The following IL7 variants were observed in gnomAD, a reference collection of about 807,000 sequenced individuals.
IL7 encodes interleukin-7.
A neutral mutation model predicts 21.6 loss-of-function variants in IL7; 3 were observed. The observed-to-expected ratio is 0.14, with a 90% CI of 0.06 to 0.36. IL7 has a LOEUF of 0.36. Ranked by LOEUF, IL7 falls within the 10% of genes least tolerant of loss-of-function variation. The pLI is 1.00. For missense variants in IL7, 175 were observed against 200.2 expected, an observed-to-expected ratio of 0.87 and a Z score of 0.76; for synonymous variants, 62 against 68.1, an observed-to-expected ratio of 0.91 and a Z score of 0.44.
chr8:78,715,371 G>A (rs1811068647), downstream of IL7: 2 of 1,514,692 alleles, frequency 1.3e-6, no homozygotes, highest in East Asian at 4.7e-5. Flanking sequence ...ATAAAATTGA[G>A]TATATGATAG....
intron 2 of IL7, among the ~76,000 whole-genome samples, chr8:78,765,642 C>T (rs1044570385): frequency 6.6e-6 from 1 of 151,974 alleles, no homozygotes; most frequent in Non-Finnish European, 1.5e-5. Context: ...TACCATGACA[C>T]CCTATTAGAA....
At chr8:78,767,522 T>C (rs767953011) in intron 2 of IL7, among the ~76,000 whole-genome samples, 5 of 152,108 alleles carry the variant, frequency 3.3e-5, no homozygotes, top group Non-Finnish European at 5.9e-5. Flanking sequence ...CTAATTAGTA[T>C]ACATATCCAC....
At chr8:78,761,682 C>A (rs1812563533) in intron 2 of IL7, 1 of 1,611,928 alleles carries the variant, frequency 6.2e-7, no homozygotes, top group Non-Finnish European at 8.5e-7. Flanking sequence ...CTGAGAGTTT[C>A]TTCTCGAATA....
chr8:78,740,027 T>C lies in IL7; in HGVS notation c.203A>G (p.Lys68Arg). ...CTTATTAGCATCACAGATATGTCTT[T>C]TAAAAAAGTTAAATTCATTATTCAG... ...NCLNNEFNFF[K>R]RHICDANKEG... The change falls in exon 3 of 6, where the codon AAA (lysine) becomes AGA (arginine). Residue 68 changes from lysine (K) to arginine (R), a missense_variant. Lys to Arg is a conservative substitution (Grantham distance 26). Coordinates refer to ENST00000263851, the MANE Select transcript of IL7 (RefSeq NM_000880.4). The C allele has an allele frequency of 6.5e-7, 1 of 1,540,944 alleles. No individual in the cohort carries two copies. The highest frequency in any genetic ancestry group is 8.7e-7 in the Non-Finnish European group (1 of 1,149,204).
intron 3 of IL7, chr8:78,698,561 A>G (rs1810507361): frequency 7.4e-7 from 1 of 1,343,168 alleles, no homozygotes; most frequent in Admixed American, 2.4e-5. Flanking sequence ...ATTAAACGAT[A>G]CTAAGGTTTT....
chr8:78,726,709 C>T (rs2130643595), intron 3 of IL7, among the ~76,000 whole-genome samples: 1 of 152,024 alleles, frequency 6.6e-6, no homozygotes, highest in East Asian at 1.9e-4. Flanking sequence ...TCCTCCCCCA[C>T]CTGAGTGTAA....
chr8:78,770,787 G>A (rs1812924229), intron 2 of IL7, among the ~76,000 whole-genome samples: 1 of 152,020 alleles, frequency 6.6e-6, no homozygotes, highest in Non-Finnish European at 1.5e-5. Context: ...CTTTATAGGA[G>A]ATCTTTACAG....
chr8:78,723,105 A>G (rs1811272839), intron 3 of IL7, among the ~76,000 whole-genome samples: 1 of 148,078 alleles, frequency 6.8e-6, no homozygotes, highest in African/African-American at 2.5e-5. Flanking sequence ...ATATATATAT[A>G]TATATATATT....
intron 4 of IL7, chr8:78,676,133 A>C (rs1160690158): frequency 3.8e-6 from 1 of 260,526 alleles, no homozygotes; most frequent in Non-Finnish European, 7.1e-6. Context: ...AATAAAAAAA[A>C]AAAAACAAAA....
At position 78,761,112 on chromosome 8, in the gene IL7, C is replaced by G. The variant is rs1203151012; in HGVS notation, c.148-21030G>C. ...CATAAAACAAGTGCTTGCAGGAGTT[C>G]CACTAAAATTTCAAAAGCATCATGC... On this transcript the variant is annotated intron_variant, in intron 2 of 5. Coordinates refer to ENST00000263851, the MANE Select transcript of IL7 (RefSeq NM_000880.4). 1.9e-6 allele frequency: 3 copies of G among 1,592,402 alleles called. No individual in the cohort carries two copies. In the East Asian group the frequency reaches 6.7e-5, roughly 36 times the overall value.
chr8:78,753,202 G>A (rs2130739640), intron 2 of IL7, among the ~76,000 whole-genome samples: 1 of 152,262 alleles, frequency 6.6e-6, no homozygotes, highest in South Asian at 2.1e-4. Context: ...CCTACAAACA[G>A]TGCAAAAACG....
intron 3 of IL7, among the ~76,000 whole-genome samples, chr8:78,724,747 C>G (rs999830987): frequency 6.6e-6 from 1 of 152,058 alleles, no homozygotes; most frequent in African/African-American, 2.4e-5. Flanking sequence ...TATACCCTCT[C>G]TGAGGCAGTC....
chr8:78,715,112 G>C (rs1811058681), downstream of IL7: 2 of 896,360 alleles, frequency 2.2e-6, no homozygotes, highest in Non-Finnish European at 3.3e-6. Context: ...TTAATCTTTT[G>C]AACTTCTCTG....
intron 3 of IL7, among the ~76,000 whole-genome samples, chr8:78,691,862 G>A (rs915021114): frequency 1.3e-5 from 2 of 152,030 alleles, no homozygotes; most frequent in Admixed American, 6.6e-5. Flanking sequence ...CTCTTGATGT[G>A]TATTGTTATA....
intron 3 of IL7, among the ~76,000 whole-genome samples, chr8:78,706,296 TC>T: frequency 6.6e-6 from 1 of 152,314 alleles, no homozygotes; most frequent in South Asian, 2.1e-4. Context: ...CAGCCTTTTT[TC>T]CTAAGGGTAT....
chr8:78,790,956 G>A (rs1044358655), intron 2 of IL7, among the ~76,000 whole-genome samples: 9 of 150,968 alleles, frequency 6.0e-5, no homozygotes, highest in Admixed American at 3.3e-4. Flanking sequence ...CATATTTCCC[G>A]ATTTCAAACT....
intron 3 of IL7, among the ~76,000 whole-genome samples, chr8:78,695,660 A>G (rs143423397): frequency 6.6e-6 from 1 of 152,056 alleles, no homozygotes; most frequent in Non-Finnish European, 1.5e-5. Context: ...CTCTCTCTAT[A>G]TATATATAGT....
chr8:78,742,358 A>G (rs1016944674), intron 2 of IL7, among the ~76,000 whole-genome samples: 1 of 152,152 alleles, frequency 6.6e-6, no homozygotes, highest in Non-Finnish European at 1.5e-5. Flanking sequence ...AACAAATCAT[A>G]TATCACATAT....
intron 2 of IL7, among the ~76,000 whole-genome samples, chr8:78,790,577 A>G (rs1311692191): frequency 6.6e-6 from 1 of 152,170 alleles, no homozygotes; most frequent in Non-Finnish European, 1.5e-5. Context: ...GATGACTCAA[A>G]CATAAAATCT....
Sources: allele counts gnomAD v4.1 joint callset (sites outside exome capture counted in the v4.1 genomes callset), GRCh38; gene constraint gnomAD v4.1.1; transcripts MANE v1.5; gene names NCBI Gene and HGNC (gene_info 2026-07-23, HGNC 2026-07-21).